CSTPP1: variants seen among roughly 807,000 people sequenced by gnomAD.
CSTPP1 encodes UPF0705 protein C11orf49.
chr11:47,064,372 A>T, the CSTPP1 span, among the ~76,000 whole-genome samples: 2 of 151,948 alleles, frequency 1.3e-5, no homozygotes, highest in African/African-American at 4.8e-5. Flanking sequence ...TTTTGGTGTT[A>T]TATCTAGGAA....
the CSTPP1 span, among the ~76,000 whole-genome samples, chr11:47,163,641 T>A: frequency 3.3e-5 from 5 of 152,222 alleles, no homozygotes; most frequent in South Asian, 1.0e-3. Context: ...TATGTATATA[T>A]ATGTAATTTT....
the CSTPP1 span, among the ~76,000 whole-genome samples, chr11:46,978,238 G>C: frequency 1.3e-5 from 2 of 152,320 alleles, no homozygotes; most frequent in South Asian, 4.1e-4. Context: ...AAATAACTGT[G>C]TATCAAGGTA....
the CSTPP1 span, among the ~76,000 whole-genome samples, chr11:46,968,268 T>G: frequency 1.2e-4 from 18 of 150,910 alleles, no homozygotes; most frequent in Admixed American, 4.6e-4. Flanking sequence ...AAATTTTATT[T>G]AACACTATTT....
At chr11:46,976,960 A>G in the CSTPP1 span, among the ~76,000 whole-genome samples, 2 of 152,150 alleles carry the variant, frequency 1.3e-5, no homozygotes, top group East Asian at 3.8e-4. Flanking sequence ...TCAAGGGTCA[A>G]TCGTATTTCA....
the CSTPP1 span, among the ~76,000 whole-genome samples, chr11:46,937,698 C>T: frequency 1.1e-4 from 16 of 152,202 alleles, no homozygotes; most frequent in African/African-American, 3.6e-4. Context: ...CCACCTCGCC[C>T]GGCTACTTTT....
the CSTPP1 span, chr11:47,041,263 T>C: frequency 3.8e-6 from 1 of 260,462 alleles, no homozygotes; most frequent in Non-Finnish European, 8.1e-6. Context: ...GTGTCAATCT[T>C]GTACTTGGCC....
chr11:47,097,067 C>G, the CSTPP1 span, among the ~76,000 whole-genome samples: 16 of 149,292 alleles, frequency 1.1e-4, no homozygotes, highest in Non-Finnish European at 1.8e-4. Context: ...TCAGCCCCCC[C>G]ACCCGGCCAG....
At chr11:47,105,878 C>A in the CSTPP1 span, among the ~76,000 whole-genome samples, 2 of 152,258 alleles carry the variant, frequency 1.3e-5, no homozygotes, top group East Asian at 3.9e-4. Flanking sequence ...CAAAGTAGTT[C>A]CCTGGAAGTA....
chr11:47,058,354 T>A, the CSTPP1 span, among the ~76,000 whole-genome samples: 2 of 151,634 alleles, frequency 1.3e-5, no homozygotes, highest in African/African-American at 4.8e-5. Context: ...AAAATAAAAT[T>A]ACCAGACATT....
the CSTPP1 span, among the ~76,000 whole-genome samples, chr11:47,002,744 C>T: frequency 6.6e-6 from 1 of 152,130 alleles, no homozygotes; most frequent in East Asian, 1.9e-4. Context: ...CCCAATGATA[C>T]TATTTCTGTT....
chr11:47,084,630 G>A, the CSTPP1 span, among the ~76,000 whole-genome samples: 1 of 152,128 alleles, frequency 6.6e-6, no homozygotes, highest in South Asian at 2.1e-4. Flanking sequence ...GAGACAGTAT[G>A]ATTTATTGAA....
chr11:47,127,342 T>C, the CSTPP1 span, among the ~76,000 whole-genome samples: 1 of 152,246 alleles, frequency 6.6e-6, no homozygotes, highest in Non-Finnish European at 1.5e-5. Flanking sequence ...TCTGCAAATA[T>C]GAGCCATCAG....
chr11:47,087,564 T>C, the CSTPP1 span, among the ~76,000 whole-genome samples: 3 of 152,096 alleles, frequency 2.0e-5, no homozygotes, highest in Non-Finnish European at 4.4e-5. Context: ...CTGGGCATGG[T>C]GGTGCGGGCC....
chr11:47,145,900 A>ATTATT, the CSTPP1 span, among the ~76,000 whole-genome samples: 5,951 of 151,258 alleles, frequency 0.039, 128 homozygotes, highest in African/African-American at 0.052. Context: ...CTTTCCGTAA[A>ATTATT]TTATTTTATT....
At chr11:46,983,794 G>GGTGAAGGAAACCACA in the CSTPP1 span, among the ~76,000 whole-genome samples, 1 of 152,204 alleles carries the variant, frequency 6.6e-6, no homozygotes, top group African/African-American at 2.4e-5. Flanking sequence ...AAGAGCTGCA[G>GGTGAAGGAAACCACA]GTGAAGGAAA....
At chr11:47,157,010 C>T in the CSTPP1 span, 1 of 1,613,940 alleles carries the variant, frequency 6.2e-7, no homozygotes, top group Non-Finnish European at 8.5e-7. Context: ...CACCCCCACC[C>T]CCACGGTTCC....
At chr11:47,030,005 T>C in the CSTPP1 span, among the ~76,000 whole-genome samples, 1 of 151,596 alleles carries the variant, frequency 6.6e-6, no homozygotes, top group Non-Finnish European at 1.5e-5. Context: ...TGCACACCTG[T>C]AGTCCCAGCT....
the CSTPP1 span, among the ~76,000 whole-genome samples, chr11:46,939,670 A>G: frequency 7.5e-6 from 1 of 133,484 alleles, no homozygotes; most frequent in South Asian, 2.5e-4. Context: ...ATAGATAGAT[A>G]GATAGGTAGA....
the CSTPP1 span, among the ~76,000 whole-genome samples, chr11:47,074,235 C>A: frequency 6.6e-6 from 1 of 151,866 alleles, no homozygotes; most frequent in Non-Finnish European, 1.5e-5. Flanking sequence ...TGCCATGGCT[C>A]ATGCCTATAG....
Sources: gnomAD v4.1 joint callset for allele counts (sites outside exome capture counted in the v4.1 genomes callset) on GRCh38, gnomAD v4.1.1 for gene constraint, MANE v1.5 for transcripts, NCBI Gene and HGNC (gene_info 2026-07-23, HGNC 2026-07-21) for gene names.